GPR89B: variants seen among roughly 807,000 people sequenced by gnomAD.
GPR89B encodes golgi pH regulator B, also known as G protein-coupled receptor 89B.
GPR89B carries 25 observed loss-of-function variants against 52.4 expected under a neutral mutation model. The observed-to-expected ratio is 0.48, with a 90% confidence interval of 0.35 to 0.67. The LOEUF (loss-of-function observed/expected upper bound fraction) is 0.67, where lower values mean the gene tolerates loss of function less well. Ranked by LOEUF, GPR89B falls within the 30% of genes least tolerant of loss-of-function variation. The pLI is 0.01. For missense variants in GPR89B, 146 were observed against 450.2 expected, an observed-to-expected ratio of 0.32 and a Z score of 6.11; for synonymous variants, 52 against 151.2, an observed-to-expected ratio of 0.34 and a Z score of 4.81.
intron 7 of GPR89B, among the ~76,000 whole-genome samples, chr1:147,958,626 G>A (rs1470955385): frequency 3.4e-5 from 5 of 147,570 alleles, no homozygotes; most frequent in East Asian, 2.0e-4. Flanking sequence ...GGGGCAGAAC[G>A]AGACTCTGTC....
chr1:147,931,880 T>G (rs1381788419), intron 1 of GPR89B, among the ~76,000 whole-genome samples: 15 of 152,186 alleles, frequency 9.9e-5, no homozygotes, highest in African/African-American at 3.4e-4. Flanking sequence ...GATGATGGCC[T>G]CTAGCTGCAT....
chr1:147,997,441 C>T (rs1329934845), downstream of GPR89B, among the ~76,000 whole-genome samples: 3 of 152,114 alleles, frequency 2.0e-5, no homozygotes, highest in Non-Finnish European at 4.4e-5. Context: ...TCCTGGTTCT[C>T]CGGCCTTTGG....
chr1:148,013,040 A>G, the GPR89B span, among the ~76,000 whole-genome samples: 1 of 152,138 alleles, frequency 6.6e-6, no homozygotes, highest in Admixed American at 6.5e-5. Context: ...GATTCAGATG[A>G]TGTTACTGAT....
chr1:147,949,486 G>A (rs587632481), intron 5 of GPR89B, among the ~76,000 whole-genome samples: 20 of 127,478 alleles, frequency 1.6e-4, no homozygotes, highest in Admixed American at 6.6e-4. Flanking sequence ...GCGGCTGGCC[G>A]GGCAGAGGGG....
intron 5 of GPR89B, among the ~76,000 whole-genome samples, chr1:147,945,558 A>G (rs1463930896): frequency 2.0e-5 from 3 of 152,220 alleles, no homozygotes; most frequent in Non-Finnish European, 4.4e-5. Context: ...TTTTTAAAAT[A>G]AGAATAACTT....
At chr1:147,949,200 T>C (rs1553250323) in intron 5 of GPR89B, among the ~76,000 whole-genome samples, 1 of 152,120 alleles carries the variant, frequency 6.6e-6, no homozygotes, top group African/African-American at 2.4e-5. Context: ...TTCTCAATCC[T>C]TTCCCCGCCT....
At chr1:147,991,016 T>G (rs1431464592) in intron 12 of GPR89B, among the ~76,000 whole-genome samples, 1 of 151,650 alleles carries the variant, frequency 6.6e-6, no homozygotes. Context: ...GGGATGGCAT[T>G]GAATCTATAA....
chr1:147,946,648 C>T (rs1308572458), intron 5 of GPR89B, among the ~76,000 whole-genome samples: 6 of 152,050 alleles, frequency 3.9e-5, no homozygotes, highest in South Asian at 4.1e-4. Flanking sequence ...TACAAAGACC[C>T]GACTCTGACA....
downstream of GPR89B, chr1:147,994,230 T>G: frequency 6.2e-7 from 1 of 1,601,858 alleles, no homozygotes; most frequent in Admixed American, 1.7e-5. Context: ...ACTCATTCTT[T>G]GAGAAAGGAT....
intron 5 of GPR89B, among the ~76,000 whole-genome samples, chr1:147,949,379 T>C (rs868918826): frequency 9.2e-5 from 12 of 129,810 alleles, no homozygotes; most frequent in Middle Eastern, 4.3e-3. Flanking sequence ...GGTGGCTGGC[T>C]GGGCGGGGGG....
At chr1:147,962,676 C>A (rs1357617936) in intron 7 of GPR89B, among the ~76,000 whole-genome samples, 2 of 151,760 alleles carry the variant, frequency 1.3e-5, no homozygotes, top group African/African-American at 2.4e-5. Flanking sequence ...GCGGACGGAT[C>A]ACTTAAGGTC....
At chr1:147,990,747 G>T (rs1228059781) in intron 12 of GPR89B, among the ~76,000 whole-genome samples, 11 of 151,478 alleles carry the variant, frequency 7.3e-5, no homozygotes, top group Non-Finnish European at 1.5e-4. Context: ...TTGTCAAAGA[G>T]CAGATGGTTG....
chr1:147,957,713 C>T (rs1191144948), intron 7 of GPR89B, among the ~76,000 whole-genome samples: 5 of 151,842 alleles, frequency 3.3e-5, no homozygotes, highest in African/African-American at 9.7e-5. Context: ...CCTTCTTCAA[C>T]ACTTTTCTAT....
At chr1:147,963,986 C>T (rs2149071561) in intron 7 of GPR89B, among the ~76,000 whole-genome samples, 1 of 152,002 alleles carries the variant, frequency 6.6e-6, no homozygotes, top group African/African-American at 2.4e-5. Flanking sequence ...GATAAAATTA[C>T]AGAAATGGAG....
At chr1:148,018,144 C>G in the GPR89B span, among the ~76,000 whole-genome samples, 3 of 145,750 alleles carry the variant, frequency 2.1e-5, no homozygotes, top group Non-Finnish European at 3.0e-5. Flanking sequence ...AGAGGCCGGG[C>G]GCGGTGGGTC....
In GPR89B at chr1:147,968,892, C is replaced by T. The variant is rs1657225162; in HGVS notation, c.745C>T (p.Gln249Ter). Residue 249 changes from glutamine (Q) to a stop codon, truncating the protein, a stop_gained, in exon 9 of 14, where the codon CAG becomes TAG. Coordinates refer to ENST00000314163, the MANE Select transcript of GPR89B (RefSeq NM_016334.5). LOFTEE classifies it high-confidence loss of function. ...SGSENLTLIQQEVDALEELSR... is the reference protein window; with the variant it reads ...SGSENLTLIQ ...TGTGCCAGATCTTACTCTTATTCAA[C>T]AGGAAGTGGATGCTTTGGAAGAATT... The T allele has an allele frequency of 1.6e-5, 25 of 1,611,512 alleles. No homozygotes were observed. In the South Asian group the frequency reaches 2.6e-4, roughly 17 times the overall value.
At chr1:148,015,045 G>C in the GPR89B span, 1 of 151,846 alleles carries the variant, frequency 6.6e-6, no homozygotes, top group Non-Finnish European at 1.5e-5. Flanking sequence ...TGGTGATGCC[G>C]GAGCGAGGGT....
intron 1 of GPR89B, among the ~76,000 whole-genome samples, chr1:147,934,240 G>A (rs1265101900): frequency 1.2e-4 from 18 of 151,668 alleles, no homozygotes; most frequent in Non-Finnish European, 1.9e-4. Context: ...GCAGTGACAT[G>A]CTCACAGCTC....
At chr1:147,979,676 A>G (rs1192013879) in intron 10 of GPR89B, among the ~76,000 whole-genome samples, 17 of 151,994 alleles carry the variant, frequency 1.1e-4, no homozygotes, top group African/African-American at 3.6e-4. Flanking sequence ...ATAGTTGATT[A>G]TATTCATTAA....
Sources: allele counts gnomAD v4.1 joint callset (sites outside exome capture counted in the v4.1 genomes callset), GRCh38; gene constraint gnomAD v4.1.1; transcripts MANE v1.5; gene names NCBI Gene and HGNC (gene_info 2026-07-23, HGNC 2026-07-21).